Variants in PTPRM observed in about 807,000 individuals in gnomAD.
The protein encoded by PTPRM is receptor-type tyrosine-protein phosphatase mu.
A neutral mutation model predicts 186.7 loss-of-function variants in PTPRM; 47 were observed. That is an observed-to-expected ratio of 0.25 (90% CI 0.20 to 0.32). PTPRM has a LOEUF of 0.32. Among genes scored for constraint, PTPRM ranks in the 10% least tolerant of loss-of-function variants. The probability of loss-of-function intolerance (pLI) is 1.00; values close to 1 mark genes in which losing one functional copy is unlikely to be tolerated. For missense variants in PTPRM, 1,494 were observed against 1,865.0 expected (o/e 0.80, Z 3.66); for synonymous variants, 668 against 674.9 (o/e 0.99, Z 0.16).
chr18:8,311,622 C>A (rs1180844192), intron 20 of PTPRM, among the ~76,000 whole-genome samples: 1 of 152,112 alleles, frequency 6.6e-6, no homozygotes, highest in Non-Finnish European at 1.5e-5. Context: ...AAGATACTAC[C>A]ATGTATATAA....
chr18:8,110,308 C>A (rs112814343), intron 11 of PTPRM, among the ~76,000 whole-genome samples: 7 of 152,252 alleles, frequency 4.6e-5, no homozygotes, highest in African/African-American at 1.7e-4. Context: ...AGCAAGAGAA[C>A]ATGAAAATGA....
chr18:8,272,858 T>G (rs1353249355), intron 19 of PTPRM, among the ~76,000 whole-genome samples: 2 of 152,146 alleles, frequency 1.3e-5, no homozygotes, highest in Non-Finnish European at 2.9e-5. Flanking sequence ...AGAAGTGTGT[T>G]GAAAGAGGTA....
intron 22 of PTPRM, among the ~76,000 whole-genome samples, chr18:8,334,670 A>G (rs1434837394): frequency 1.3e-5 from 2 of 152,208 alleles, no homozygotes; most frequent in Admixed American, 6.5e-5. Context: ...TCATTAATCA[A>G]TACGGACCAT....
intron 14 of PTPRM, among the ~76,000 whole-genome samples, chr18:8,179,842 A>G (rs1601042843): frequency 1.3e-5 from 2 of 152,306 alleles, no homozygotes; most frequent in East Asian, 1.9e-4. Flanking sequence ...CCTTTCTCAT[A>G]TAAAATCTAT....
intron 1 of PTPRM, among the ~76,000 whole-genome samples, chr18:7,768,792 A>T (rs1262298406): frequency 1.3e-5 from 2 of 151,930 alleles, no homozygotes; most frequent in African/African-American, 2.4e-5. Context: ...GATTACAGGC[A>T]TGTGCCACCA....
At chr18:7,964,757 C>T (rs1394521499) in intron 7 of PTPRM, among the ~76,000 whole-genome samples, 1 of 152,118 alleles carries the variant, frequency 6.6e-6, no homozygotes, top group Non-Finnish European at 1.5e-5. Flanking sequence ...TATGTATCTT[C>T]AAGGTAGTGC....
intron 2 of PTPRM, among the ~76,000 whole-genome samples, chr18:7,883,629 T>C (rs2048617098): frequency 6.6e-6 from 1 of 152,218 alleles, no homozygotes; most frequent in Admixed American, 6.5e-5. Flanking sequence ...CCTTTTGTAC[T>C]TTAAAGCTGT....
At chr18:7,947,045 T>G in intron 5 of PTPRM, 1 of 455,734 alleles carries the variant, frequency 2.2e-6, no homozygotes, top group South Asian at 1.6e-5. Context: ...TGGGACTGGG[T>G]TAGTGAGTCT....
At chr18:8,171,125 G>C (rs2146454762) in intron 14 of PTPRM, among the ~76,000 whole-genome samples, 1 of 152,292 alleles carries the variant, frequency 6.6e-6, no homozygotes, top group Middle Eastern at 3.4e-3. Context: ...TAGATTCATG[G>C]ATAATTAAGG....
chr18:8,263,133 G>A (rs1433958004), intron 19 of PTPRM, among the ~76,000 whole-genome samples: 1 of 151,792 alleles, frequency 6.6e-6, no homozygotes, highest in Non-Finnish European at 1.5e-5. Context: ...TTTCAAGGTG[G>A]AGTCTCACTC....
At chr18:8,146,501 G>GT (rs56070404) in intron 14 of PTPRM, among the ~76,000 whole-genome samples, 123,650 of 149,220 alleles carry the variant, frequency 0.83, 51,280 homozygotes, top group East Asian at 0.96. Flanking sequence ...TAATGGGATT[G>GT]TTTTTTTTTT....
At chr18:8,121,687 A>G (rs2092179272) in intron 13 of PTPRM, among the ~76,000 whole-genome samples, 1 of 152,242 alleles carries the variant, frequency 6.6e-6, no homozygotes, top group Non-Finnish European at 1.5e-5. Flanking sequence ...GGAAAGCTGC[A>G]TGAAATTTAG....
chr18:7,634,040 G>T (rs747867088), intron 1 of PTPRM, among the ~76,000 whole-genome samples: 7 of 152,052 alleles, frequency 4.6e-5, no homozygotes, highest in Non-Finnish European at 1.0e-4. Flanking sequence ...GCTGGGTATG[G>T]TGTGATTTGC....
chr18:7,886,208 G>C lies in PTPRM; in HGVS notation c.197-1898G>C, dbSNP rs563374866. 2.0e-5 allele frequency among the ~76,000 whole-genome samples: 3 copies of C among 152,316 alleles called. No homozygotes were observed. In the South Asian group the frequency reaches 6.2e-4, roughly 32 times the overall value. ...CGTAAATCAGCTTCTATTTCACTAA[G>C]AGCAGGAAAACACAATCTGTAACTC... On this transcript the variant is annotated intron_variant, in intron 2 of 32. Coordinates refer to ENST00000580170, the MANE Select transcript of PTPRM (RefSeq NM_001105244.2).
chr18:7,660,370 G>A (rs190447961), intron 1 of PTPRM, among the ~76,000 whole-genome samples: 107 of 152,056 alleles, frequency 7.0e-4, no homozygotes, highest in Non-Finnish European at 1.3e-3. Flanking sequence ...AAAGCAAGCA[G>A]TAGAAGTGGG....
intron 19 of PTPRM, among the ~76,000 whole-genome samples, chr18:8,292,778 G>A (rs1378249332): frequency 6.6e-6 from 1 of 152,176 alleles, no homozygotes; most frequent in Non-Finnish European, 1.5e-5. Flanking sequence ...GTAATCAATA[G>A]TTAAAATTTA....
chr18:7,746,797 C>T (rs189334565), intron 1 of PTPRM, among the ~76,000 whole-genome samples: 28 of 152,264 alleles, frequency 1.8e-4, no homozygotes, highest in Middle Eastern at 3.4e-3. Flanking sequence ...GACAGTAAGA[C>T]GCTTCCTTTC....
intron 23 of PTPRM, among the ~76,000 whole-genome samples, chr18:8,356,478 G>A (rs540163426): frequency 6.6e-6 from 1 of 152,278 alleles, no homozygotes. Context: ...GACAGGCGTG[G>A]ACACACTTAA....
chr18:8,069,455 C>A (rs1388293271), intron 7 of PTPRM, among the ~76,000 whole-genome samples: 1 of 152,310 alleles, frequency 6.6e-6, no homozygotes, highest in Middle Eastern at 3.4e-3. Context: ...ATCTTATATG[C>A]CATTCATCAG....
Sources: allele counts gnomAD v4.1 joint callset (sites outside exome capture counted in the v4.1 genomes callset), GRCh38; gene constraint gnomAD v4.1.1; transcripts MANE v1.5; gene names NCBI Gene and HGNC (gene_info 2026-07-23, HGNC 2026-07-21).